GBX2: variants seen among roughly 807,000 people sequenced by gnomAD.
GBX2 encodes the protein gastrulation brain homeobox 2, also known as homeobox protein GBX-2.
Under a neutral mutation model 22.4 loss-of-function variants are expected in GBX2, and 5 were observed. The ratio of observed to expected loss-of-function variants is 0.22; its 90% CI spans 0.12 to 0.47. The LOEUF is 0.47. GBX2 is among the 20% of genes least tolerant of loss of function. The pLI is 0.99. For synonymous variants in GBX2, 220 were observed against 230.5 expected, an observed-to-expected ratio of 0.95 and a Z score of 0.41; for missense variants, 470 against 495.4, an observed-to-expected ratio of 0.95 and a Z score of 0.49.
chr2:236,164,405 T>C (rs992033686), downstream of GBX2, among the ~76,000 whole-genome samples: 8 of 152,094 alleles, frequency 5.3e-5, no homozygotes, highest in Non-Finnish European at 1.2e-4. Flanking sequence ...CGCCGCAGTA[T>C]CTGGCGGCGC....
chr2:236,166,405 AC>A lies in GBX2; in HGVS notation c.555del (p.Glu185AspfsTer29). 1 of 1,613,066 alleles carries A rather than the reference AC, an allele frequency of 6.2e-7. No homozygotes were observed. Among genetic ancestry groups the A allele is most frequent in the Non-Finnish European group, 8.5e-7 (1 of 1,179,482 alleles). Reference protein sequence around the residue: ...VGAVRGQGKDESKVEDDPKGK... With the variant: ...VGAVRGQGKDXSKVEDDPKGK... ...CCCTTCGGGTCGTCTTCCACCTTTG[AC>A]TCGTCTTTCCCTTGCCCTCGGACAG... is the stretch of plus-strand genomic sequence containing the variant. On this transcript the variant is annotated frameshift_variant, in exon 2 of 2. Transcript: ENST00000306318. LOFTEE classifies it high-confidence loss of function. This position sits in a 1 kb window ranked among gnomAD's most constrained non-coding sequence, Gnocchi z 6.6.
chr2:236,165,686 T>C lies in GBX2; in HGVS notation c.*228A>G. The C allele has an allele frequency of 1.9e-6, 1 of 536,680 alleles. No homozygotes were observed. The highest frequency in any genetic ancestry group is 1.9e-5 in the African/African-American group (1 of 53,342). The allele number at this position is 536,680 out of a possible 1,614,324, so 33.2% of individuals were successfully genotyped here. A position where few individuals can be genotyped will look rare whatever the true frequency, so the allele number is the denominator to read the frequency against. ...GATCCAGTCTATAGAGATATTTATGTACAAAGTAGGATAGTATAATAAATA... is the reference window on the plus strand; with the variant it reads ...GATCCAGTCTATAGAGATATTTATGCACAAAGTAGGATAGTATAATAAATA... On this transcript the variant is annotated 3_prime_UTR_variant, in exon 2 of 2. Coordinates refer to ENST00000306318, the MANE Select transcript of GBX2 (RefSeq NM_001485.4).
At position 236,167,588 on chromosome 2, in the gene GBX2, C is replaced by T; in HGVS notation, c.384G>A (p.Ala128=). ...HQEAAAARKF[A]PQPLPGGGNF... ...TACCGCCGCCGGGCAGCGGCTGCGG[C>T]GCGAACTTGCGGGCCGCTGCCGCCT... Residue 128 remains alanine, a synonymous_variant, in exon 1 of 2, where the codon GCG becomes GCA. Coordinates refer to ENST00000306318, the MANE Select transcript of GBX2 (RefSeq NM_001485.4). 6.3e-7 allele frequency: 1 copy of T among 1,596,548 alleles called. No individual in the cohort carries two copies. Among genetic ancestry groups the T allele is most frequent in the Non-Finnish European group, 8.5e-7 (1 of 1,174,752 alleles).
downstream of GBX2, among the ~76,000 whole-genome samples, chr2:236,163,925 C>G (rs1056095698): frequency 2.6e-5 from 4 of 152,088 alleles, no homozygotes; most frequent in Admixed American, 6.5e-5. Context: ...CGGCCAGGAG[C>G]CTCTGCGGCT....
In GBX2 at chr2:236,168,045, G is replaced by C; in HGVS notation, c.-74C>G. On this transcript the variant is annotated 5_prime_UTR_variant, in exon 1 of 2. Transcript: ENST00000306318. ...GCCGCCGCCGGGAAGCCCGCCGGACGCCGGGAGCACCGCCGGGAGCGCCGG... is the reference window on the plus strand; with the variant it reads ...GCCGCCGCCGGGAAGCCCGCCGGACCCCGGGAGCACCGCCGGGAGCGCCGG... 1 of 1,343,290 alleles carries C rather than the reference G, an allele frequency of 7.4e-7. No homozygotes were observed. The allele number at this position is 1,343,290 out of a possible 1,614,324, so 83.2% of individuals were successfully genotyped here.
Position 236,168,182 on chromosome 2 carries a change from T to A in GBX2, c.-211A>T, listed in dbSNP as rs1400863617. On this transcript the variant is annotated 5_prime_UTR_variant, in exon 1 of 2. Coordinates refer to ENST00000306318, the MANE Select transcript of GBX2 (RefSeq NM_001485.4). Reference sequence around the variant, plus strand: ...CGGGGTGAGGCCGTGCGCCCCGGAGTGGAGAGGGCGCCCGGGCCCCGAGGG... The same window carrying A: ...CGGGGTGAGGCCGTGCGCCCCGGAGAGGAGAGGGCGCCCGGGCCCCGAGGG... The A allele has an allele frequency of 2.8e-6, 1 of 363,220 alleles. No individual in the cohort carries two copies. Among genetic ancestry groups the A allele is most frequent in the African/African-American group, 2.1e-5 (1 of 46,512 alleles). The allele number at this position is 363,220 out of a possible 1,614,324, so 22.5% of individuals were successfully genotyped here.
downstream of GBX2, among the ~76,000 whole-genome samples, chr2:236,163,654 C>T (rs1160761041): frequency 6.6e-6 from 1 of 152,260 alleles, no homozygotes; most frequent in East Asian, 1.9e-4. Context: ...CCCAACCTTC[C>T]CGGGTAAACT....
chr2:236,164,498 G>A (rs2126007186), downstream of GBX2, among the ~76,000 whole-genome samples: 1 of 151,096 alleles, frequency 6.6e-6, no homozygotes, highest in East Asian at 2.0e-4. Context: ...GACCAGGCAC[G>A]CCCCACCGAG....
downstream of GBX2, among the ~76,000 whole-genome samples, chr2:236,164,248 G>A (rs76710776): frequency 0.019 from 2,824 of 152,274 alleles, 84 homozygotes; most frequent in African/African-American, 0.064. Flanking sequence ...GAGCGCCGCT[G>A]CATCGCAGCG....
At position 236,168,086 on chromosome 2, in the gene GBX2, G is replaced by C; in HGVS notation, c.-115C>G. The C allele has an allele frequency of 1.7e-6, 2 of 1,161,460 alleles. No individual in the cohort carries two copies. The highest frequency in any genetic ancestry group is 4.6e-5 in the South Asian group (2 of 43,416). 71.9% of individuals were successfully genotyped at this position (1,161,460 alleles called of 1,614,324 possible). On this transcript the variant is annotated 5_prime_UTR_variant, in exon 1 of 2. Coordinates refer to ENST00000306318, the MANE Select transcript of GBX2 (RefSeq NM_001485.4). ...GGAGCGCCGGGCAGGGGCCGAGCGGGACCCGGAGAGCAGACGCCTCCGCCC... is the reference window on the plus strand; with the variant it reads ...GGAGCGCCGGGCAGGGGCCGAGCGGCACCCGGAGAGCAGACGCCTCCGCCC...
chr2:236,166,577 G>A lies in GBX2; in HGVS notation c.524-140C>T, dbSNP rs1438865668. Reference sequence around the variant, plus strand: ...TCTTTCTATGACATTAACACATTGTGATTTCCTGGCCTTTGAGGGGTAGAG... The same window carrying A: ...TCTTTCTATGACATTAACACATTGTAATTTCCTGGCCTTTGAGGGGTAGAG... On this transcript the variant is annotated intron_variant, in intron 1 of 1. Transcript: ENST00000306318. The surrounding 1 kb of genome is among the most constrained non-coding windows in gnomAD (Gnocchi z 6.6). The A allele has an allele frequency of 2.5e-6, 2 of 799,206 alleles. No individual in the cohort carries two copies. The highest frequency in any genetic ancestry group is 2.5e-5 in the East Asian group (1 of 40,460). The allele number at this position is 799,206 out of a possible 1,614,324, so 49.5% of individuals were successfully genotyped here.
Position 236,167,907 on chromosome 2 carries a change from A to G in GBX2, c.65T>C (p.Phe22Ser). 1 of 1,562,326 alleles carries G rather than the reference A, an allele frequency of 6.4e-7. No homozygotes were observed. Among genetic ancestry groups the G allele is most frequent in the Non-Finnish European group, 8.6e-7 (1 of 1,157,102 alleles). ...MQRPLGSSTA[F>S]SIDSLIGSPP... is the part of the protein sequence containing the mutation. ...GCTGCCGATCAGCGAGTCTATGCTGAAGGCGGTGCTACTCCCCAGCGGGCG... is the reference window on the plus strand; with the variant it reads ...GCTGCCGATCAGCGAGTCTATGCTGGAGGCGGTGCTACTCCCCAGCGGGCG... Residue 22 changes from phenylalanine (F) to serine (S), a missense_variant, in exon 1 of 2, where the codon TTC becomes TCC. Phe to Ser is a radical substitution (Grantham distance 155). Around this residue, in one of 4 missense-constraint regions of GBX2, gnomAD observed 377 missense variants for 358.6 expected, o/e 1.05. Coordinates refer to ENST00000306318, the MANE Select transcript of GBX2 (RefSeq NM_001485.4).
At position 236,166,408 on chromosome 2, in the gene GBX2, C is replaced by G. The variant is rs769399375; in HGVS notation, c.553G>C (p.Glu185Gln). Residue 185 changes from glutamate (E) to glutamine (Q), a missense_variant, in exon 2 of 2, where the codon GAG (glutamate) becomes CAG (glutamine). By Grantham distance (29) the Glu-to-Gln change is conservative (BLOSUM62 2). Around this residue, in one of 4 missense-constraint regions of GBX2, gnomAD observed 377 missense variants for 358.6 expected, o/e 1.05. Coordinates refer to ENST00000306318, the MANE Select transcript of GBX2 (RefSeq NM_001485.4). This position sits in a 1 kb window ranked among gnomAD's most constrained non-coding sequence, Gnocchi z 6.6. ...VGAVRGQGKDESKVEDDPKGK... is the reference protein window; with the variant it reads ...VGAVRGQGKDQSKVEDDPKGK... The stretch of plus-strand genomic sequence containing the variant: ...TTCGGGTCGTCTTCCACCTTTGACT[C>G]GTCTTTCCCTTGCCCTCGGACAGCC... 5 of 1,612,816 alleles carry G rather than the reference C, an allele frequency of 3.1e-6. No individual in the cohort carries two copies. In the East Asian group the frequency reaches 1.1e-4, roughly 36 times the overall value.
rs747164133 is a variant in GBX2, at chr2:236,167,514, C to G, written c.458G>C (p.Gly153Ala). 2.2e-5 allele frequency: 35 copies of G among 1,594,926 alleles called. No individual in the cohort carries two copies. The highest frequency in any genetic ancestry group is 2.6e-5 in the Non-Finnish European group (31 of 1,174,610). ...ALQADAEDGKGFLAKEGSLLA... is the reference protein window; with the variant it reads ...ALQADAEDGKAFLAKEGSLLA... ...CAGCGAGCCCTCTTTGGCCAGGAAG[C>G]CTTTGCCGTCCTCCGCGTCAGCCTG... Residue 153 changes from glycine to alanine, a missense_variant, in exon 1 of 2, where the codon GGC becomes GCC. Physicochemically the swap from Gly to Ala is moderately conservative, Grantham distance 60. Coordinates refer to ENST00000306318, the MANE Select transcript of GBX2 (RefSeq NM_001485.4).
At chr2:236,161,952 C>T (rs768598011), downstream of GBX2, among the ~76,000 whole-genome samples, 6 of 152,352 alleles carry the variant, frequency 3.9e-5, no homozygotes, top group Non-Finnish European at 7.3e-5. Flanking sequence ...AGGTCACTCC[C>T]GGCTTTCAGT....
At position 236,168,032 on chromosome 2, in the gene GBX2, A is replaced by T; in HGVS notation, c.-61T>A. ...GTCCCCGCGCCGCGCCGCCGCCGGG[A>T]AGCCCGCCGGACGCCGGGAGCACCG... On this transcript the variant is annotated 5_prime_UTR_variant, in exon 1 of 2. Coordinates refer to ENST00000306318, the MANE Select transcript of GBX2 (RefSeq NM_001485.4). 7.3e-7 allele frequency: 1 copy of T among 1,367,584 alleles called. No individual in the cohort carries two copies. Among genetic ancestry groups the T allele is most frequent in the Non-Finnish European group, 9.4e-7 (1 of 1,062,646 alleles). 84.7% of individuals were successfully genotyped at this position (1,367,584 alleles called of 1,614,324 possible).
chr2:236,167,332 CGCGGGGGTCGA>C, intron 1 of GBX2, 106 bp downstream of exon 1: 1 of 1,379,346 alleles, frequency 7.2e-7, no homozygotes, highest in African/African-American at 1.5e-5. Flanking sequence ...CAGCTCCTCC[CGCGGGGGTCGA>C]GCGGGGGCGC....
chr2:236,164,330 C>T (rs538236582), downstream of GBX2, among the ~76,000 whole-genome samples: 1 of 152,286 alleles, frequency 6.6e-6, no homozygotes, highest in South Asian at 2.1e-4. Flanking sequence ...TCTCGCGCTT[C>T]GGGCTGCTGG....
downstream of GBX2, among the ~76,000 whole-genome samples, chr2:236,164,523 A>C (rs1246113035): frequency 6.7e-6 from 1 of 150,044 alleles, no homozygotes; most frequent in Non-Finnish European, 1.5e-5. Context: ...GGAGGCGCGC[A>C]GCTCCCCGTC....
Sources: gnomAD v4.1 joint callset for allele counts (sites outside exome capture counted in the v4.1 genomes callset) on GRCh38, gnomAD v4.1.1 for gene constraint, gnomAD v4.1.1 regional missense constraint, Gnocchi (gnomAD v3.1) non-coding constraint, MANE v1.5 for transcripts, NCBI Gene and HGNC (gene_info 2026-07-23, HGNC 2026-07-21) for gene names.